The following MYO3B variants were observed in gnomAD, a reference collection of about 807,000 sequenced individuals.
The protein encoded by MYO3B is myosin IIIB, also known as myosin-IIIb.
MYO3B carries 156 observed loss-of-function variants against 174.6 expected under a neutral mutation model. The ratio of observed to expected loss-of-function variants is 0.89; its 90% CI spans 0.78 to 1.02. The LOEUF (loss-of-function observed/expected upper bound fraction) is 1.02. MYO3B is among the 50% of genes least tolerant of loss of function. The pLI is 0.00. For missense variants in MYO3B, 1,632 were observed against 1,639.4 expected (o/e 1.00, Z 0.08); for synonymous variants, 563 against 569.1 (o/e 0.99, Z 0.15).
At chr2:170,297,140 A>G (rs1015083055) in intron 7 of MYO3B, among the ~76,000 whole-genome samples, 3 of 152,156 alleles carry the variant, frequency 2.0e-5, no homozygotes, top group Non-Finnish European at 2.9e-5. Flanking sequence ...AAGATGTACA[A>G]TTTTTTGATC....
At chr2:170,591,090 T>C (rs1693794988) in intron 32 of MYO3B, among the ~76,000 whole-genome samples, 1 of 152,206 alleles carries the variant, frequency 6.6e-6, no homozygotes, top group Non-Finnish European at 1.5e-5. Flanking sequence ...ATTACTTCTC[T>C]CTCCCAACTT....
intron 8 of MYO3B, among the ~76,000 whole-genome samples, chr2:170,365,675 C>A (rs890920021): frequency 1.3e-5 from 2 of 152,120 alleles, no homozygotes; most frequent in African/African-American, 4.8e-5. Flanking sequence ...CCTTCAAGTT[C>A]TTCATGCCCT....
intron 1 of MYO3B, among the ~76,000 whole-genome samples, chr2:170,196,605 G>A (rs905068869): frequency 2.6e-5 from 4 of 152,228 alleles, no homozygotes; most frequent in African/African-American, 9.6e-5. Flanking sequence ...CTCATTTTCT[G>A]CTGCTGTCTT....
chr2:170,551,691 C>T (rs1197812404), intron 32 of MYO3B, among the ~76,000 whole-genome samples: 2 of 151,784 alleles, frequency 1.3e-5, no homozygotes, highest in African/African-American at 4.8e-5. Flanking sequence ...TCTAATTAAG[C>T]TTAATTTATA....
intron 8 of MYO3B, among the ~76,000 whole-genome samples, chr2:170,362,647 T>A (rs1164964857): frequency 2.0e-5 from 3 of 152,148 alleles, no homozygotes; most frequent in Non-Finnish European, 4.4e-5. Flanking sequence ...AGTAATGCAC[T>A]CCCAGTTCTC....
At chr2:170,488,242 C>G (rs183952081) in intron 25 of MYO3B, among the ~76,000 whole-genome samples, 1 of 152,094 alleles carries the variant, frequency 6.6e-6, no homozygotes, top group Non-Finnish European at 1.5e-5. Flanking sequence ...ATATTTTCCA[C>G]TTCAAAGATT....
At chr2:170,620,809 T>C (rs151169092) in intron 32 of MYO3B, among the ~76,000 whole-genome samples, 1 of 152,386 alleles carries the variant, frequency 6.6e-6, no homozygotes, top group Non-Finnish European at 1.5e-5. Flanking sequence ...TTTTCTTTAT[T>C]ATCCTAGTCA....
intron 32 of MYO3B, among the ~76,000 whole-genome samples, chr2:170,613,208 T>C (rs945696287): frequency 6.6e-6 from 1 of 152,196 alleles, no homozygotes; most frequent in Non-Finnish European, 1.5e-5. Flanking sequence ...TTCAGAAGCA[T>C]GAAAACAACC....
chr2:170,571,066 G>T (rs1416555285), intron 32 of MYO3B, among the ~76,000 whole-genome samples: 2 of 152,142 alleles, frequency 1.3e-5, no homozygotes, highest in Admixed American at 6.6e-5. Context: ...CATGTATATA[G>T]ATTTAATTTT....
At chr2:170,431,444 T>C (rs2094708286) in intron 22 of MYO3B, among the ~76,000 whole-genome samples, 1 of 152,214 alleles carries the variant, frequency 6.6e-6, no homozygotes, top group African/African-American at 2.4e-5. Flanking sequence ...TTTTAAAGCT[T>C]AAGGAGAAAG....
intron 32 of MYO3B, among the ~76,000 whole-genome samples, chr2:170,558,381 G>A (rs761965504): frequency 4.6e-4 from 70 of 151,754 alleles, no homozygotes; most frequent in African/African-American, 1.5e-3. Flanking sequence ...GAGCACAACC[G>A]AGATCACAAA....
intron 23 of MYO3B, among the ~76,000 whole-genome samples, chr2:170,448,677 A>C (rs1176366345): frequency 6.6e-6 from 1 of 152,238 alleles, no homozygotes; most frequent in African/African-American, 2.4e-5. Context: ...TTTTAAAAGT[A>C]AAGATTTGAA....
intron 25 of MYO3B, among the ~76,000 whole-genome samples, chr2:170,473,514 C>G (rs747996841): frequency 6.6e-6 from 1 of 152,126 alleles, no homozygotes; most frequent in Non-Finnish European, 1.5e-5. Flanking sequence ...AAATATATGA[C>G]AGATACCTAG....
chr2:170,231,945 T>C (rs995157325), intron 6 of MYO3B, among the ~76,000 whole-genome samples: 1 of 152,160 alleles, frequency 6.6e-6, no homozygotes, highest in African/African-American at 2.4e-5. Context: ...AGAATATAAG[T>C]GATTTGTTTT....
chr2:170,263,206 T>C (rs2093358096), intron 7 of MYO3B, among the ~76,000 whole-genome samples: 1 of 152,192 alleles, frequency 6.6e-6, no homozygotes, highest in Non-Finnish European at 1.5e-5. Context: ...TAGACGGTTT[T>C]TCTCCTCCGC....
Position 170,491,616 on chromosome 2 carries a change from G to A in MYO3B, c.3015-6976G>A, listed in dbSNP as rs370585388. On this transcript the variant is annotated intron_variant, in intron 25 of 34. Transcript: ENST00000408978. ...AATTTTTTGTATTTTTAGTAGAGAC[G>A]GGGTTTCACCCCCTTAGCCAGGACG... is the stretch of plus-strand genomic sequence containing the variant. Among the ~76,000 whole-genome samples the A allele has an allele frequency of 4.1e-4, 62 of 152,204 alleles. 2 individuals carry two copies. The highest frequency in any genetic ancestry group is 2.9e-3 in the East Asian group (15 of 5,148).
chr2:170,530,357 C>T (rs541625683), intron 30 of MYO3B, among the ~76,000 whole-genome samples: 156 of 152,340 alleles, frequency 1.0e-3, no homozygotes, highest in African/African-American at 3.6e-3. Context: ...TCGCTCTGAT[C>T]CAGACCCTCC....
chr2:170,332,416 G>C (rs1199318358), intron 7 of MYO3B: 1 of 152,170 alleles, frequency 6.6e-6, no homozygotes, highest in East Asian at 1.9e-4. Flanking sequence ...GCAACAGAGA[G>C]AGGAGCACTC....
intron 22 of MYO3B, among the ~76,000 whole-genome samples, chr2:170,439,199 C>T (rs889799283): frequency 6.6e-6 from 1 of 150,980 alleles, no homozygotes; most frequent in Non-Finnish European, 1.5e-5. Context: ...GGTGAAAACC[C>T]GTCTCTACTA....
Sources: gnomAD v4.1 joint callset for allele counts (sites outside exome capture counted in the v4.1 genomes callset) on GRCh38, gnomAD v4.1.1 for gene constraint, MANE v1.5 for transcripts, NCBI Gene and HGNC (gene_info 2026-07-23, HGNC 2026-07-21) for gene names.